Variants in SOX6 observed in about 807,000 individuals in gnomAD.
The protein encoded by SOX6 is transcription factor SOX-6.
Under a neutral mutation model 97.8 loss-of-function variants are expected in SOX6, and 11 were observed. That is an observed-to-expected ratio of 0.11 (90% CI 0.07 to 0.19). The LOEUF (loss-of-function observed/expected upper bound fraction) is 0.19, where lower values mean the gene tolerates loss of function less well. Among genes scored for constraint, SOX6 ranks in the 10% least tolerant of loss-of-function variants. The pLI, the probability that SOX6 is intolerant of heterozygous loss-of-function variation, is 1.00. For synonymous variants in SOX6, 360 were observed against 371.4 expected, an observed-to-expected ratio of 0.97 and a Z score of 0.35; for missense variants, 810 against 1,039.5, an observed-to-expected ratio of 0.78 and a Z score of 3.04.
intron 15 of SOX6, among the ~76,000 whole-genome samples, chr11:15,984,071 T>C (rs966343450): frequency 6.6e-6 from 1 of 152,164 alleles, no homozygotes; most frequent in Non-Finnish European, 1.5e-5. Context: ...CACCTTTCTG[T>C]AGCCATAGAA....
At chr11:16,341,430 CTTTTAACTCAGCAA>C (rs1856631674) in intron 1 of SOX6, among the ~76,000 whole-genome samples, 178 bp from the exon 2 acceptor site, 1 of 152,080 alleles carries the variant, frequency 6.6e-6, no homozygotes, top group Non-Finnish European at 1.5e-5. Flanking sequence ...TCCCTCTTTG[CTTTTAACTCAGCAA>C]ACCTCTTCCC....
intron 9 of SOX6, among the ~76,000 whole-genome samples, chr11:16,069,401 A>C (rs983906071): frequency 6.6e-6 from 1 of 152,210 alleles, no homozygotes; most frequent in African/African-American, 2.4e-5. Flanking sequence ...AGTGAACTGC[A>C]AATAGAATTT....
chr11:16,371,321 A>C (rs1857489314), intron 1 of SOX6, among the ~76,000 whole-genome samples: 1 of 151,874 alleles, frequency 6.6e-6, no homozygotes, highest in Admixed American at 6.6e-5. Flanking sequence ...TTAGGCAAAA[A>C]TTTTATTCTC....
intron 1 of SOX6, among the ~76,000 whole-genome samples, chr11:16,412,940 T>TC (rs1858851443): frequency 1.3e-5 from 2 of 152,010 alleles, no homozygotes; most frequent in African/African-American, 4.8e-5. Context: ...AAATGCCCAC[T>TC]CCCTATGACG....
At chr11:16,536,655 T>C (rs762860259) in intron 4 of SOX6, among the ~76,000 whole-genome samples, 3 of 152,212 alleles carry the variant, frequency 2.0e-5, no homozygotes, top group Non-Finnish European at 4.4e-5. Flanking sequence ...TTCCCTCCCA[T>C]GTGTGGCTCG....
rs564880036 is a variant in SOX6 at position 16,540,520 on chromosome 11, G to A, written n.610-64132C>T. On this transcript the variant is annotated intron_variant and non_coding_transcript_variant, in intron 4 of 5. Coordinates refer to the SOX6 transcript ENST00000524520. ...AAAGGGTATTCAATTAGGAAAAGAG[G>A]AAGTCAAATTGTCTCCGTTTGCACA... Among the ~76,000 whole-genome samples, 20 of 152,246 alleles carry A rather than the reference G, an allele frequency of 1.3e-4. No individual in the cohort carries two copies. In the South Asian group the frequency reaches 4.1e-3, roughly 32 times the overall value.
At chr11:16,064,136 G>A (rs140712899) in intron 9 of SOX6, among the ~76,000 whole-genome samples, 118 of 151,816 alleles carry the variant, frequency 7.8e-4, no homozygotes, top group African/African-American at 2.8e-3. Context: ...TCTAGAAAAT[G>A]TCCTTCTCCA....
chr11:16,419,458 C>T (rs1434152343), intron 1 of SOX6, among the ~76,000 whole-genome samples: 2 of 151,894 alleles, frequency 1.3e-5, no homozygotes, highest in African/African-American at 2.4e-5. Context: ...TCTGCTATTT[C>T]TTTGAAAACA....
intron 4 of SOX6, among the ~76,000 whole-genome samples, chr11:16,192,743 A>AAAT (rs1435172060): frequency 1.3e-5 from 2 of 152,216 alleles, no homozygotes; most frequent in Non-Finnish European, 2.9e-5. Flanking sequence ...ATAGCATGAA[A>AAAT]AATTAAAATA....
At chr11:16,624,283 G>A (rs892638366) in intron 3 of SOX6, among the ~76,000 whole-genome samples, 1 of 151,832 alleles carries the variant, frequency 6.6e-6, no homozygotes, top group Non-Finnish European at 1.5e-5. Flanking sequence ...TGCCTTCCGG[G>A]TTTGAACGAT....
At chr11:16,712,708 C>T (rs1279017149) in intron 3 of SOX6, among the ~76,000 whole-genome samples, 2 of 152,138 alleles carry the variant, frequency 1.3e-5, no homozygotes, top group Non-Finnish European at 2.9e-5. Context: ...TTGAAGCAGA[C>T]CCACACCATA....
At chr11:16,239,295 GCTCTT>G (rs1853114220) in intron 3 of SOX6, among the ~76,000 whole-genome samples, 1 of 151,906 alleles carries the variant, frequency 6.6e-6, no homozygotes, top group Non-Finnish European at 1.5e-5. Context: ...GACTGCTCAT[GCTCTT>G]CTCTCTCTCT....
intron 4 of SOX6, among the ~76,000 whole-genome samples, chr11:16,540,943 A>C (rs1300401256): frequency 1.3e-5 from 2 of 152,176 alleles, no homozygotes; most frequent in East Asian, 1.9e-4. Flanking sequence ...GCTACCAATG[A>C]CTTTCTTCAC....
At chr11:16,483,053 T>A (rs1389534464) in intron 4 of SOX6, among the ~76,000 whole-genome samples, 1 of 152,144 alleles carries the variant, frequency 6.6e-6, no homozygotes, top group African/African-American at 2.4e-5. Flanking sequence ...AATTTCCCAT[T>A]ACGATGAAAA....
chr11:16,098,938 T>C (rs979099793), intron 7 of SOX6, among the ~76,000 whole-genome samples: 5 of 151,806 alleles, frequency 3.3e-5, no homozygotes, highest in East Asian at 3.9e-4. Context: ...CTGCTTGCCA[T>C]ATGAAATGCT....
intron 1 of SOX6, among the ~76,000 whole-genome samples, chr11:16,361,693 C>A (rs905117766): frequency 6.6e-6 from 1 of 152,166 alleles, no homozygotes; most frequent in African/African-American, 2.4e-5. Flanking sequence ...CACCTCTGCA[C>A]TGACACACAA....
At chr11:16,045,719 C>T (rs1240932304) in intron 12 of SOX6, among the ~76,000 whole-genome samples, 1 of 152,116 alleles carries the variant, frequency 6.6e-6, no homozygotes, top group Non-Finnish European at 1.5e-5. Context: ...CTAGAATGCC[C>T]CTGCTCCTGC....
At chr11:16,388,276 G>C (rs1055567398) in intron 1 of SOX6, among the ~76,000 whole-genome samples, 3 of 151,976 alleles carry the variant, frequency 2.0e-5, no homozygotes, top group Admixed American at 2.0e-4. Context: ...AACCCTACTT[G>C]GTCGTGATAT....
intron 6 of SOX6, among the ~76,000 whole-genome samples, chr11:16,164,005 G>A (rs1293921321): frequency 6.6e-6 from 1 of 152,118 alleles, no homozygotes; most frequent in African/African-American, 2.4e-5. Context: ...TTTTGTTTTT[G>A]AGGCAAGGTC....
Sources: gnomAD v4.1 joint callset for allele counts (sites outside exome capture counted in the v4.1 genomes callset) on GRCh38, gnomAD v4.1.1 for gene constraint, MANE v1.5 for transcripts, NCBI Gene and HGNC (gene_info 2026-07-23, HGNC 2026-07-21) for gene names.